The following FABP6 variants were observed in gnomAD, a reference collection of about 807,000 sequenced individuals.
The protein encoded by FABP6 is fatty acid binding protein 6, also known as gastrotropin.
Under a neutral mutation model 14.9 loss-of-function variants are expected in FABP6, and 13 were observed. That is an observed-to-expected ratio of 0.87 (90% CI 0.57 to 1.39). FABP6 has a LOEUF of 1.39. Ranked by LOEUF, FABP6 falls within the 40% of genes most tolerant of loss-of-function variation. The pLI is 0.00. For missense variants in FABP6, 161 were observed against 167.2 expected, an observed-to-expected ratio of 0.96 and a Z score of 0.20; for synonymous variants, 75 against 63.6, an observed-to-expected ratio of 1.18 and a Z score of -0.85.
At chr5:160,190,643 A>T (rs1759376002) in intron 1 of FABP6, among the ~76,000 whole-genome samples, 1 of 152,188 alleles carries the variant, frequency 6.6e-6, no homozygotes, top group Non-Finnish European at 1.5e-5. Context: ...ATAGCTTCAG[A>T]GTAACCAGTT....
intron 3 of FABP6, among the ~76,000 whole-genome samples, chr5:160,217,324 T>A (rs1186972498): frequency 6.6e-6 from 1 of 151,748 alleles, no homozygotes; most frequent in Admixed American, 6.6e-5. Flanking sequence ...AAAATTAGAG[T>A]CATCAGCAAA....
intron 3 of FABP6, among the ~76,000 whole-genome samples, chr5:160,224,153 G>A (rs994296443): frequency 2.0e-4 from 31 of 152,022 alleles, no homozygotes; most frequent in African/African-American, 2.4e-4. Context: ...GGAGAATGGC[G>A]TGAACCCAGG....
intron 2 of FABP6, among the ~76,000 whole-genome samples, chr5:160,208,412 T>C (rs1449470084): frequency 6.6e-6 from 1 of 152,048 alleles, no homozygotes; most frequent in Non-Finnish European, 1.5e-5. Context: ...CATTCCAGCC[T>C]GGGTGACAGA....
Position 160,238,571 on chromosome 5 carries a change from G to C in FABP6, c.334-35G>C, listed in dbSNP as rs371319029. 13 of 1,603,632 alleles carry C rather than the reference G, an allele frequency of 8.1e-6. No individual in the cohort carries two copies. The African/African-American group carries it at 1.6e-4, about 20-fold the overall frequency. On this transcript the variant is annotated intron_variant, in intron 3 of 3. Transcript: ENST00000402432. ...TGCCTCCTGGCTACCTTGGGGTGGG[G>C]CACTGACTCCCTCTGTCCCGGCTGC...
chr5:160,216,350 C>T (rs903226076), intron 3 of FABP6, among the ~76,000 whole-genome samples: 4 of 151,988 alleles, frequency 2.6e-5, no homozygotes, highest in South Asian at 2.1e-4. Flanking sequence ...TCACTGCAAC[C>T]TTTGCCTCCT....
At chr5:160,209,221 C>G (rs958427405) in intron 2 of FABP6, among the ~76,000 whole-genome samples, 2 of 151,912 alleles carry the variant, frequency 1.3e-5, no homozygotes, top group Non-Finnish European at 2.9e-5. Context: ...GACCCTTTCT[C>G]AGAAATAAAT....
chr5:160,223,983 T>TATA (rs536162557), intron 3 of FABP6, among the ~76,000 whole-genome samples: 2,474 of 149,638 alleles, frequency 0.017, 72 homozygotes, highest in African/African-American at 0.057. Flanking sequence ...GCGCCTGTAA[T>TATA]CCCAGCACTT....
At chr5:160,193,715 T>A (rs1759449535) in intron 1 of FABP6, among the ~76,000 whole-genome samples, 1 of 152,178 alleles carries the variant, frequency 6.6e-6, no homozygotes, top group Admixed American at 6.5e-5. Context: ...GGGTGCTGAT[T>A]GGTGTGTTTA....
Position 160,232,180 on chromosome 5 carries a change from G to T in FABP6, c.150G>T (p.Trp50Cys), listed in dbSNP as rs1561756500. Reference protein sequence around the residue: ...EVQQDGQDFTWSQHYSGGHTM... With the variant: ...EVQQDGQDFTCSQHYSGGHTM... The stretch of plus-strand genomic sequence containing the variant: ...AGCAGGATGGGCAGGACTTCACTTG[G>T]TCCCAGCACTACTCCGGGGGCCACA... Residue 50 changes from tryptophan (W) to cysteine (C), a missense_variant, in exon 2 of 4, where the codon TGG becomes TGT. Physicochemically the swap from Trp to Cys is radical, Grantham distance 215. Transcript: ENST00000402432. 6.2e-7 allele frequency: 1 copy of T among 1,613,852 alleles called. No individual in the cohort carries two copies. The highest frequency in any genetic ancestry group is 8.5e-7 in the Non-Finnish European group (1 of 1,179,914).
At chr5:160,203,264 A>T (rs1263490092) in intron 2 of FABP6, among the ~76,000 whole-genome samples, 1 of 152,186 alleles carries the variant, frequency 6.6e-6, no homozygotes, top group Non-Finnish European at 1.5e-5. Flanking sequence ...CAAAAAGTGG[A>T]TTGGTTATTT....
chr5:160,228,114 G>A (rs57770928), upstream of FABP6, among the ~76,000 whole-genome samples: 8,595 of 152,044 alleles, frequency 0.057, 467 homozygotes, highest in East Asian at 0.34. Flanking sequence ...ATAATTGGCC[G>A]GGTGTGGTGG....
At chr5:160,190,754 C>T (rs562647092) in intron 1 of FABP6, among the ~76,000 whole-genome samples, 5 of 152,084 alleles carry the variant, frequency 3.3e-5, no homozygotes, top group Non-Finnish European at 7.3e-5. Context: ...GAAAATATAT[C>T]CTGAATCTAT....
chr5:160,193,280 G>C (rs550899414), intron 1 of FABP6, among the ~76,000 whole-genome samples: 30 of 152,276 alleles, frequency 2.0e-4, no homozygotes, highest in African/African-American at 7.0e-4. Flanking sequence ...GTTCCTCCCG[G>C]TGGGCTCGTG....
At chr5:160,215,774 A>G (rs1313526483) in intron 3 of FABP6, among the ~76,000 whole-genome samples, 2 of 152,100 alleles carry the variant, frequency 1.3e-5, no homozygotes, top group African/African-American at 2.4e-5. Context: ...GAGACTTGAT[A>G]AGAAGGTAAA....
intron 1 of FABP6, chr5:160,195,996 G>C (rs1759501543): frequency 6.6e-6 from 1 of 152,498 alleles, no homozygotes. Context: ...TCACTCTGTA[G>C]CTGGGTCCAG....
chr5:160,234,986 C>A, intron 3 of FABP6, 77 bp downstream of exon 3: 2 of 1,273,228 alleles, frequency 1.6e-6, no homozygotes, highest in Non-Finnish European at 2.2e-6. Context: ...AGAAGTAGGC[C>A]TCTACGCAGC....
intron 3 of FABP6, among the ~76,000 whole-genome samples, chr5:160,236,038 CAG>C (rs1491207883): frequency 3.1e-4 from 40 of 127,346 alleles, no homozygotes; most frequent in Admixed American, 7.3e-4. Context: ...TTTTTCGAAA[CAG>C]AGTCTTGCTC....
At chr5:160,231,986 C>G (rs955206266) in intron 1 of FABP6, 112 bp from the exon 2 acceptor site, 7 of 1,226,992 alleles carry the variant, frequency 5.7e-6, no homozygotes, top group Non-Finnish European at 7.9e-6. Context: ...TGCAGGCTAG[C>G]CTATCATGCA....
chr5:160,225,496 G>T (rs1760226210), upstream of FABP6, among the ~76,000 whole-genome samples: 1 of 150,960 alleles, frequency 6.6e-6, no homozygotes, highest in Non-Finnish European at 1.5e-5. Flanking sequence ...TTGCCTCCTG[G>T]GTTCAAGCGA....
Sources: gnomAD v4.1 joint callset for allele counts (sites outside exome capture counted in the v4.1 genomes callset) on GRCh38, gnomAD v4.1.1 for gene constraint, MANE v1.5 for transcripts, NCBI Gene and HGNC (gene_info 2026-07-23, HGNC 2026-07-21) for gene names.